The following BFAR variants were observed in gnomAD, a reference collection of about 807,000 sequenced individuals.
The protein encoded by BFAR is RING finger protein 47.
In BFAR, 52 loss-of-function variants were observed where a neutral mutation model predicts 54.4. The ratio of observed to expected loss-of-function variants is 0.96; its 90% CI spans 0.77 to 1.21. BFAR has a LOEUF of 1.21. Among genes scored for constraint, BFAR ranks in the 50% most tolerant of loss-of-function variants. The pLI is 0.00. For synonymous variants in BFAR, 215 were observed against 204.3 expected, an observed-to-expected ratio of 1.05 and a Z score of -0.45; for missense variants, 571 against 534.0, an observed-to-expected ratio of 1.07 and a Z score of -0.68.
At chr16:14,656,652 G>A (rs1318670524) in intron 5 of BFAR, among the ~76,000 whole-genome samples, 1 of 152,032 alleles carries the variant, frequency 6.6e-6, no homozygotes, top group Non-Finnish European at 1.5e-5. Context: ...TTTGATTAAC[G>A]GAAAGTTGTT....
intron 4 of BFAR, among the ~76,000 whole-genome samples, chr16:14,654,284 TTC>T (rs755285396): frequency 2.0e-5 from 3 of 151,992 alleles, no homozygotes; most frequent in Non-Finnish European, 2.9e-5. Flanking sequence ...GTGCGAACTA[TTC>T]TTAATGTTGT....
At chr16:14,640,010 G>A (rs114095671) in intron 1 of BFAR, among the ~76,000 whole-genome samples, 7,172 of 152,008 alleles carry the variant, frequency 0.047, 183 homozygotes, top group Non-Finnish European at 0.052. Flanking sequence ...AATTAGCCAG[G>A]TGTGGTGGCG....
chr16:14,650,390 A>G (rs1389016278), intron 4 of BFAR: 1 of 154,366 alleles, frequency 6.5e-6, no homozygotes, highest in Non-Finnish European at 1.4e-5. Flanking sequence ...TGCACAATCC[A>G]TGGTTTTTAA....
At position 14,667,817 on chromosome 16, in the gene BFAR, A is replaced by C; in HGVS notation, c.1343A>C (p.Gln448Pro). 6.2e-7 allele frequency: 1 copy of C among 1,614,062 alleles called. No homozygotes were observed. Among genetic ancestry groups the C allele is most frequent in the South Asian group, 1.1e-5 (1 of 91,074 alleles). The change falls in exon 8 of 8, where the codon CAG (glutamine) becomes CCG (proline). Residue 448 changes from glutamine (Q) to proline (P), a missense_variant. Gln to Pro is a moderately conservative substitution (Grantham distance 76). Transcript: ENST00000261658. ...VVKELRRLET[Q>P]VL Reference sequence around the variant, plus strand: ...AAGGAACTCCGGCGGCTGGAAACCCAGGTGTTGTGACTGGCACTGCCCAGG... The same window carrying C: ...AAGGAACTCCGGCGGCTGGAAACCCCGGTGTTGTGACTGGCACTGCCCAGG...
chr16:14,665,882 G>A (rs1048058239), intron 7 of BFAR, among the ~76,000 whole-genome samples: 3 of 152,170 alleles, frequency 2.0e-5, no homozygotes, highest in Admixed American at 6.6e-5. Context: ...GGGAAATTCT[G>A]TAGGCATGAG....
chr16:14,659,234 G>GTTT (rs1468503605), intron 5 of BFAR, among the ~76,000 whole-genome samples: 7 of 142,872 alleles, frequency 4.9e-5, no homozygotes, highest in African/African-American at 1.8e-4. Context: ...GGTTTTTTTT[G>GTTT]TTTTTTTTTG....
At chr16:14,654,097 C>T (rs1960052382) in intron 4 of BFAR, among the ~76,000 whole-genome samples, 1 of 148,104 alleles carries the variant, frequency 6.8e-6, no homozygotes, top group South Asian at 2.1e-4. Context: ...CTGCAAGCTC[C>T]GCCTTCCGGG....
intron 5 of BFAR, among the ~76,000 whole-genome samples, chr16:14,657,823 G>A (rs1263661277): frequency 1.3e-5 from 2 of 152,172 alleles, no homozygotes; most frequent in African/African-American, 4.8e-5. Context: ...GATTACAGGC[G>A]TGAGCCACTG....
chr16:14,650,980 TTG>T (rs552591758), intron 4 of BFAR, among the ~76,000 whole-genome samples: 2 of 152,300 alleles, frequency 1.3e-5, no homozygotes, highest in South Asian at 4.1e-4. Flanking sequence ...GATTATCAAA[TTG>T]TGTAAGGAAA....
intron 1 of BFAR, among the ~76,000 whole-genome samples, chr16:14,639,911 C>A (rs890671820): frequency 3.9e-5 from 6 of 151,952 alleles, no homozygotes; most frequent in African/African-American, 1.2e-4. Context: ...GTAACCCCAG[C>A]ATTTTGGGAG....
At position 14,649,140 on chromosome 16, in the gene BFAR, A is replaced by G. The variant is rs186500663; in HGVS notation, c.468+548A>G. 9.7e-5 allele frequency among the ~76,000 whole-genome samples: 13 copies of G among 133,958 alleles called. No homozygotes were observed. In the East Asian group the frequency reaches 2.7e-3, roughly 27 times the overall value. The allele number at this position is 133,958 out of a possible 152,430, so 87.9% of individuals were successfully genotyped here. On this transcript the variant is annotated intron_variant, in intron 3 of 7. Coordinates refer to ENST00000261658, the MANE Select transcript of BFAR (RefSeq NM_016561.3). ...GCCTAGGCTAGAGTGCGGTGGCATGATCTCGGCTCACTGCCACCTCCACCT... is the reference window on the plus strand; with the variant it reads ...GCCTAGGCTAGAGTGCGGTGGCATGGTCTCGGCTCACTGCCACCTCCACCT...
chr16:14,664,828 C>T (rs1206442702), intron 6 of BFAR, 41 bp from the exon 7 acceptor site: 3 of 1,562,196 alleles, frequency 1.9e-6, no homozygotes, highest in Non-Finnish European at 2.6e-6. Context: ...GTGTAAAAGT[C>T]AGTCCTCATG....
chr16:14,643,988 C>T lies in BFAR; in HGVS notation c.-73-286C>T, dbSNP rs536762068. 3 of 216,462 alleles carry T rather than the reference C, an allele frequency of 1.4e-5. No individual in the cohort carries two copies. In the South Asian group the frequency reaches 2.2e-4, roughly 16 times the overall value. 13.4% of individuals were successfully genotyped at this position (216,462 alleles called of 1,614,324 possible). On this transcript the variant is annotated intron_variant, in intron 1 of 7. Coordinates refer to ENST00000261658, the MANE Select transcript of BFAR (RefSeq NM_016561.3). ...CATCTTGGCTAACACGGTGAAACCC[C>T]GTCTCTGCTAAAAAAATATGAAAAA...
intron 5 of BFAR, among the ~76,000 whole-genome samples, chr16:14,660,699 G>A (rs1188128536): frequency 3.4e-5 from 5 of 147,970 alleles, no homozygotes; most frequent in African/African-American, 7.4e-5. Flanking sequence ...TCAGGAGTTC[G>A]AGACCAGCCT....
chr16:14,633,637 T>G (rs2151833016), intron 1 of BFAR, among the ~76,000 whole-genome samples: 1 of 152,298 alleles, frequency 6.6e-6, no homozygotes, highest in Admixed American at 6.5e-5. Flanking sequence ...GGAAATAACT[T>G]AGGCAAAAGA....
At chr16:14,658,680 C>G (rs973756866) in intron 5 of BFAR, among the ~76,000 whole-genome samples, 3 of 151,286 alleles carry the variant, frequency 2.0e-5, no homozygotes, top group African/African-American at 7.3e-5. Flanking sequence ...TTGCAGTGAG[C>G]CAAGATTGTG....
At chr16:14,667,444 G>A (rs1355806409) in intron 7 of BFAR, 191 bp from the exon 8 acceptor site, 1 of 574,686 alleles carries the variant, frequency 1.7e-6, no homozygotes, top group Non-Finnish European at 3.1e-6. Context: ...GAAGCTCCCT[G>A]TAGGTCATGT....
chr16:14,646,821 A>T (rs1030684972), intron 2 of BFAR, among the ~76,000 whole-genome samples: 10 of 152,112 alleles, frequency 6.6e-5, no homozygotes, highest in Non-Finnish European at 1.5e-4. Flanking sequence ...TTGGAAAATT[A>T]CTGATAAAAC....
intron 2 of BFAR, among the ~76,000 whole-genome samples, chr16:14,647,453 T>C (rs1018124117): frequency 1.3e-5 from 2 of 151,940 alleles, no homozygotes; most frequent in African/African-American, 4.8e-5. Context: ...CCCAGTACCT[T>C]GGGAGGACCG....
Sources: allele counts gnomAD v4.1 joint callset (sites outside exome capture counted in the v4.1 genomes callset), GRCh38; gene constraint gnomAD v4.1.1; transcripts MANE v1.5; gene names NCBI Gene and HGNC (gene_info 2026-07-23, HGNC 2026-07-21).